Variants in DSCAML1 observed in about 807,000 individuals in gnomAD.
DSCAML1 encodes cell adhesion molecule DSCAML1.
Under a neutral mutation model 200.5 loss-of-function variants are expected in DSCAML1, and 38 were observed. The ratio of observed to expected loss-of-function variants is 0.19; its 90% CI spans 0.15 to 0.25. The LOEUF is 0.25. Ranked by LOEUF, DSCAML1 falls within the 10% of genes least tolerant of loss-of-function variation. The pLI is 1.00. For missense variants in DSCAML1, 2,223 were observed against 2,858.8 expected, an observed-to-expected ratio of 0.78 and a Z score of 5.07; for synonymous variants, 1,215 against 1,165.0, an observed-to-expected ratio of 1.04 and a Z score of -0.87.
Position 117,464,928 on chromosome 11 carries a change from G to T in DSCAML1, c.3265+14C>A. 1.2e-6 allele frequency: 2 copies of T among 1,611,962 alleles called. No homozygotes were observed. Among genetic ancestry groups the T allele is most frequent in the Non-Finnish European group, 1.7e-6 (2 of 1,178,818 alleles). On this transcript the variant is annotated intron_variant, in intron 17 of 32. Transcript: ENST00000651296. Reference sequence around the variant, plus strand: ...CAGGAATCTGTGCCCACTCCCTTCTGCTGGGGCCCTCACCATCCTCCAGAG... The same window carrying T: ...CAGGAATCTGTGCCCACTCCCTTCTTCTGGGGCCCTCACCATCCTCCAGAG...
intron 3 of DSCAML1, among the ~76,000 whole-genome samples, chr11:117,746,120 G>A (rs2054513726): frequency 6.7e-6 from 1 of 150,214 alleles, no homozygotes; most frequent in Non-Finnish European, 1.5e-5. Flanking sequence ...TACCTGGGAG[G>A]CTGAGGCAGG....
At chr11:117,692,083 G>T (rs185084169) in intron 3 of DSCAML1, among the ~76,000 whole-genome samples, 275 of 152,208 alleles carry the variant, frequency 1.8e-3, no homozygotes, top group African/African-American at 6.2e-3. Flanking sequence ...TGGGCCTAGC[G>T]GGGGTGTGAA....
intron 3 of DSCAML1, among the ~76,000 whole-genome samples, chr11:117,667,990 A>G (rs1230447068): frequency 2.6e-5 from 4 of 152,240 alleles, no homozygotes; most frequent in Non-Finnish European, 4.4e-5. Context: ...GACTCTGAGA[A>G]CAATATAACA....
intron 3 of DSCAML1, among the ~76,000 whole-genome samples, chr11:117,607,894 GTGAAC>G (rs760867887): frequency 3.9e-5 from 6 of 152,232 alleles, no homozygotes; most frequent in African/African-American, 7.2e-5. Context: ...AATAAAGAAT[GTGAAC>G]CTCACAAGAG....
At chr11:117,697,014 CT>C (rs1159078336) in intron 3 of DSCAML1, among the ~76,000 whole-genome samples, 1 of 152,210 alleles carries the variant, frequency 6.6e-6, no homozygotes, top group Non-Finnish European at 1.5e-5. Flanking sequence ...CTTCTATTTG[CT>C]AGGAACTTCC....
intron 3 of DSCAML1, among the ~76,000 whole-genome samples, chr11:117,731,841 C>T (rs758060242): frequency 6.2e-4 from 94 of 152,202 alleles, no homozygotes; most frequent in Non-Finnish European, 1.2e-3. Flanking sequence ...GCACAACAGG[C>T]TATTTTTTCC....
intron 3 of DSCAML1, among the ~76,000 whole-genome samples, chr11:117,632,827 C>T (rs886251075): frequency 6.6e-6 from 1 of 152,158 alleles, no homozygotes; most frequent in African/African-American, 2.4e-5. Flanking sequence ...TGCCAGGCAT[C>T]ATGAAAAGGG....
chr11:117,486,445 A>ATGT (rs2049065264), intron 11 of DSCAML1, among the ~76,000 whole-genome samples: 9 of 149,988 alleles, frequency 6.0e-5, no homozygotes, highest in African/African-American at 2.2e-4. Context: ...TGAAAGTGGC[A>ATGT]GATATGAAAG....
intron 30 of DSCAML1, among the ~76,000 whole-genome samples, 190 bp from the exon 31 acceptor site, chr11:117,431,918 T>C (rs61905261): frequency 8.1e-6 from 1 of 123,472 alleles, no homozygotes; most frequent in South Asian, 2.2e-4. Context: ...GAGTCAAGGT[T>C]GGGGAGGGGG....
rs141024479 is a variant in DSCAML1, at chr11:117,458,870, C to T, written c.3452G>A (p.Arg1151Gln). ...EMQNITTTRE[R>Q]VELRGMEKFT... ...CTTCTCCATGCCCCGCAGCTCCACC[C>T]GCTCCCGCGTGGTGGTGATGTTCTG... Residue 1151 changes from arginine to glutamine, a missense_variant, in exon 19 of 33, where the codon CGG (arginine) becomes CAG (glutamine). This residue lies in a region of DSCAML1 where 438 missense variants were observed against 629.7 expected (regional missense o/e 0.70). Coordinates refer to ENST00000651296, the MANE Select transcript of DSCAML1 (RefSeq NM_020693.4). 3.8e-5 allele frequency: 61 copies of T among 1,613,922 alleles called. No homozygotes were observed. Among genetic ancestry groups the T allele is most frequent in the Middle Eastern group, 1.6e-4 (1 of 6,084 alleles).
intron 3 of DSCAML1, among the ~76,000 whole-genome samples, chr11:117,638,215 G>A (rs1374377868): frequency 6.6e-6 from 1 of 152,066 alleles, no homozygotes; most frequent in Admixed American, 6.5e-5. Flanking sequence ...AGTTTCTCAG[G>A]ACTGTCTCTG....
At chr11:117,701,787 C>G (rs2053671725) in intron 3 of DSCAML1, among the ~76,000 whole-genome samples, 1 of 152,204 alleles carries the variant, frequency 6.6e-6, no homozygotes, top group African/African-American at 2.4e-5. Context: ...GTGCCTGGTT[C>G]TAAGTACTCA....
At position 117,506,547 on chromosome 11, in the gene DSCAML1, CTTTTTTTTTTTTTTT is replaced by C. The variant is rs5795089; in HGVS notation, c.1784-830_1784-816del. Among the ~76,000 whole-genome samples, 287 of 96,860 alleles carry C rather than the reference CTTTTTTTTTTTTTTT, an allele frequency of 3.0e-3. 1 individual carries two copies. The highest frequency in any genetic ancestry group is 4.1e-3 in the Non-Finnish European group (203 of 49,860). 63.5% of individuals were successfully genotyped at this position (96,860 alleles called of 152,430 possible). A position where few individuals can be genotyped will look rare whatever the true frequency, so the allele number is the denominator to read the frequency against. ...TGCCCAGACAAGAGACAAGAGATAA[CTTTTTTTTTTTTTTT>C]TTTTTTTTTTTTGAGACAAGGTTTT... On this transcript the variant is annotated intron_variant, in intron 8 of 32. Transcript: ENST00000651296.
chr11:117,764,510 G>A (rs754269544), intron 3 of DSCAML1, among the ~76,000 whole-genome samples: 14 of 152,198 alleles, frequency 9.2e-5, no homozygotes, highest in Admixed American at 2.6e-4. Flanking sequence ...CACGCACACA[G>A]GAAGCACTCA....
At position 117,505,337 on chromosome 11, in the gene DSCAML1, A is replaced by G. The variant is rs1457541785; in HGVS notation, c.2062+117T>C. 1.4e-6 allele frequency: 2 copies of G among 1,391,982 alleles called. No homozygotes were observed. Among genetic ancestry groups the G allele is most frequent in the Non-Finnish European group, 1.9e-6 (2 of 1,032,624 alleles). The allele number at this position is 1,391,982 out of a possible 1,614,324, so 86.2% of individuals were successfully genotyped here. A position where few individuals can be genotyped will look rare whatever the true frequency, so the allele number is the denominator to read the frequency against. On this transcript the variant is annotated intron_variant, in intron 9 of 32. Transcript: ENST00000651296. This position sits in a 1 kb window ranked among gnomAD's most constrained non-coding sequence, Gnocchi z 6.7. ...AGGTTTAGGCTCCAACAGGCCCTTC[A>G]AGATGCTGGAGCCCACCTTCCATGA...
intron 1 of DSCAML1, among the ~76,000 whole-genome samples, chr11:117,812,345 C>T (rs2134090810): frequency 6.6e-6 from 1 of 152,298 alleles, no homozygotes; most frequent in South Asian, 2.1e-4. Context: ...ATAAACTCTC[C>T]TTACAATTCC....
chr11:117,502,957 A>G (rs1454430948), intron 11 of DSCAML1, among the ~76,000 whole-genome samples: 3 of 152,154 alleles, frequency 2.0e-5, no homozygotes, highest in African/African-American at 7.2e-5. Flanking sequence ...TGGCCGGGTC[A>G]GACGCTAACA....
chr11:117,785,170 G>A (rs971808211), intron 1 of DSCAML1, among the ~76,000 whole-genome samples: 1 of 152,200 alleles, frequency 6.6e-6, no homozygotes, highest in Non-Finnish European at 1.5e-5. Context: ...CAAAGACAAG[G>A]AGAATGGCTC....
chr11:117,768,546 G>A (rs953052299), intron 3 of DSCAML1, among the ~76,000 whole-genome samples: 3 of 152,168 alleles, frequency 2.0e-5, no homozygotes, highest in Non-Finnish European at 4.4e-5. Context: ...GACAGGGCGA[G>A]GGAGGTGAGG....
Sources: allele counts gnomAD v4.1 joint callset (sites outside exome capture counted in the v4.1 genomes callset), GRCh38; gene constraint gnomAD v4.1.1; regional missense constraint gnomAD v4.1.1; non-coding constraint Gnocchi (gnomAD v3.1); transcripts MANE v1.5; gene names NCBI Gene and HGNC (gene_info 2026-07-23, HGNC 2026-07-21).